The following COL4A3 variants were observed in gnomAD, a reference collection of about 807,000 sequenced individuals.
COL4A3 encodes collagen type IV alpha 3 chain.
In COL4A3, 135 loss-of-function variants were observed where a neutral mutation model predicts 217.4. The observed-to-expected ratio is 0.62, with a 90% confidence interval of 0.54 to 0.72. The LOEUF is 0.72. Among genes scored for constraint, COL4A3 ranks in the 30% least tolerant of loss-of-function variants. The pLI, the probability that COL4A3 is intolerant of heterozygous loss-of-function variation, is 0.00. For missense variants in COL4A3, 1,868 were observed against 2,119.9 expected (o/e 0.88, Z 2.33); for synonymous variants, 690 against 736.3 (o/e 0.94, Z 1.02).
chr2:227,297,673 G>A lies in COL4A3; in HGVS notation c.3566-1G>A. The A allele has an allele frequency of 6.2e-7, 1 of 1,605,646 alleles. No individual in the cohort carries two copies. Among genetic ancestry groups the A allele is most frequent in the African/African-American group, 1.3e-5 (1 of 74,976 alleles). On this transcript the variant is annotated splice_acceptor_variant, in intron 41 of 51. Transcript: ENST00000396578. LOFTEE classifies it high-confidence loss of function. ...AACTTATTAAGCCTTCTTCTTTGCA[G>A]GAGCCAAAGGAGACAGGGGAGCCCC...
intron 1 of COL4A3, among the ~76,000 whole-genome samples, chr2:227,181,284 A>G (rs1275589034): frequency 2.0e-5 from 3 of 152,214 alleles, no homozygotes; most frequent in Admixed American, 2.0e-4. Context: ...AATTCCATTA[A>G]TGCGTAGTTG....
chr2:227,307,661 G>A, intron 47 of COL4A3, 49 bp from the exon 48 acceptor site: 1 of 1,498,568 alleles, frequency 6.7e-7, no homozygotes, highest in Non-Finnish European at 9.3e-7. Flanking sequence ...GAAAAAACGA[G>A]TTTAAGATTT....
intron 1 of COL4A3, among the ~76,000 whole-genome samples, chr2:227,190,364 C>T (rs1476160613): frequency 6.6e-6 from 1 of 152,194 alleles, no homozygotes; most frequent in African/African-American, 2.4e-5. Flanking sequence ...GATCCTGACT[C>T]CCTTTTAAAA....
chr2:227,249,230 A>ATATATATATTTTTTTTTTTT, intron 9 of COL4A3, among the ~76,000 whole-genome samples: 12 of 14,688 alleles, frequency 8.2e-4, no homozygotes, highest in East Asian at 2.7e-3. Context: ...ATATATATAT[A>ATATATATATTTTTTTTTTTT]TTTTTTTTTT....
chr2:227,260,022 G>T lies in COL4A3; in HGVS notation c.1114+145G>T, dbSNP rs200603278. The T allele has an allele frequency of 1.3e-3, 978 of 765,794 alleles. 3 individuals carry two copies. Among genetic ancestry groups the T allele is most frequent in the South Asian group, 2.2e-3 (164 of 73,222 alleles). 47.4% of individuals were successfully genotyped at this position (765,794 alleles called of 1,614,324 possible). A position where few individuals can be genotyped will look rare whatever the true frequency, so the allele number is the denominator to read the frequency against. ...CATTTTCATAAAGGTGTTATTTTTT[G>T]ATGTCTCCTGCTCTTCATATTTTTA... On this transcript the variant is annotated intron_variant, in intron 19 of 51. Coordinates refer to ENST00000396578, the MANE Select transcript of COL4A3 (RefSeq NM_000091.5).
chr2:227,288,459 G>A (rs2106197861), intron 34 of COL4A3, among the ~76,000 whole-genome samples: 1 of 152,256 alleles, frequency 6.6e-6, no homozygotes, highest in Admixed American at 6.5e-5. Context: ...AAAGTGGAAT[G>A]GTTTCCTGGG....
intron 14 of COL4A3, 123 bp downstream of exon 14, chr2:227,254,297 G>C: frequency 1.2e-6 from 1 of 838,602 alleles, no homozygotes; most frequent in East Asian, 2.6e-5. Flanking sequence ...TAAAAGAATG[G>C]CTACTCCACA....
chr2:227,289,913 T>C, intron 35 of COL4A3, 86 bp from the exon 36 acceptor site: 3 of 1,329,704 alleles, frequency 2.3e-6, no homozygotes, highest in East Asian at 4.8e-5. Flanking sequence ...TCTGCATTCA[T>C]TCATGCATGC....
At chr2:227,263,631 G>A in intron 20 of COL4A3, 149 bp from the exon 21 acceptor site, 1 of 785,610 alleles carries the variant, frequency 1.3e-6, no homozygotes, top group Non-Finnish European at 2.0e-6. Flanking sequence ...AAAAAAGCAA[G>A]GATATTCACT....
At chr2:227,309,994 A>C (rs1574843287) in intron 50 of COL4A3, among the ~76,000 whole-genome samples, 1 of 152,304 alleles carries the variant, frequency 6.6e-6, no homozygotes, top group Middle Eastern at 3.4e-3. Flanking sequence ...GAAAACGCTC[A>C]TAGGTAATTT....
intron 1 of COL4A3, among the ~76,000 whole-genome samples, chr2:227,182,275 T>C (rs80090710): frequency 0.11 from 16,495 of 152,318 alleles, 1,156 homozygotes; most frequent in Middle Eastern, 0.21. Context: ...TCTCCACTTC[T>C]GTGCCCCTCC....
At chr2:227,271,809 G>A (rs1233187726) in intron 25 of COL4A3, among the ~76,000 whole-genome samples, 1 of 152,122 alleles carries the variant, frequency 6.6e-6, no homozygotes, top group Non-Finnish European at 1.5e-5. Flanking sequence ...GTGAGAGGGT[G>A]AGCACCTGTC....
rs544616678 is a variant in COL4A3 at position 227,269,734 on chromosome 2, C to T, written c.1505-176C>T. 2.6e-5 allele frequency among the ~76,000 whole-genome samples: 4 copies of T among 152,254 alleles called. No homozygotes were observed. The South Asian group carries it at 8.3e-4, about 32-fold the overall frequency. Reference sequence around the variant, plus strand: ...AAGCTAAGATCTGAGTTACTTTTTACATGATCTCTTGTTCTGTTATTTACT... The same window carrying T: ...AAGCTAAGATCTGAGTTACTTTTTATATGATCTCTTGTTCTGTTATTTACT... On this transcript the variant is annotated intron_variant, in intron 23 of 51. Transcript: ENST00000396578.
chr2:227,263,725 AT>A lies in COL4A3; in HGVS notation c.1151-53del, dbSNP rs2070729730. The A allele has an allele frequency of 2.6e-6, 4 of 1,512,644 alleles. No individual in the cohort carries two copies. In the Admixed American group the frequency reaches 5.8e-5, roughly 22 times the overall value. The allele number at this position is 1,512,644 out of a possible 1,614,324, so 93.7% of individuals were successfully genotyped here. A position where few individuals can be genotyped will look rare whatever the true frequency, so the allele number is the denominator to read the frequency against. On this transcript the variant is annotated intron_variant, in intron 20 of 51. Transcript: ENST00000396578. ...AATCACTCTTGCAATTAAAAAATAA[AT>A]TCGTATTAATCAGGAAAAAATGTAA... is the stretch of plus-strand genomic sequence containing the variant.
chr2:227,217,754 G>C (rs967141708), intron 1 of COL4A3, among the ~76,000 whole-genome samples: 4 of 152,172 alleles, frequency 2.6e-5, no homozygotes, highest in Non-Finnish European at 5.9e-5. Context: ...AATGACAACT[G>C]TTCAAGAAAA....
intron 1 of COL4A3, among the ~76,000 whole-genome samples, chr2:227,218,188 C>T (rs188447951): frequency 6.5e-4 from 98 of 150,892 alleles, no homozygotes; most frequent in African/African-American, 2.2e-3. Context: ...TCGTGTGGGC[C>T]GGGCGCAGTG....
In COL4A3 at chr2:227,166,519, G is replaced by C. The variant is rs565927499; in HGVS notation, c.87+1706G>C. ...GGATCAGCCTGAAAAAGTAATGCTTGGGGACCATGCAAACTCTAGTTATAC... is the reference window on the plus strand; with the variant it reads ...GGATCAGCCTGAAAAAGTAATGCTTCGGGACCATGCAAACTCTAGTTATAC... On this transcript the variant is annotated intron_variant, in intron 1 of 51. Coordinates refer to ENST00000396578, the MANE Select transcript of COL4A3 (RefSeq NM_000091.5). Among the ~76,000 whole-genome samples the C allele has an allele frequency of 2.1e-3, 325 of 152,296 alleles. 1 individual carries two copies. Among genetic ancestry groups the C allele is most frequent in the African/African-American group, 7.4e-3 (308 of 41,564 alleles).
At chr2:227,290,945 T>C (rs2072661530) in intron 37 of COL4A3, 59 bp downstream of exon 37, 1 of 1,558,330 alleles carries the variant, frequency 6.4e-7, no homozygotes, top group Admixed American at 1.8e-5. Flanking sequence ...TTGAAAAATA[T>C]CAACAAGTAC....
rs56065709 is a variant in COL4A3, at chr2:227,302,677, C to CAAAAAAAAAAAAAA, written c.3883-345_3883-332dup. Among the ~76,000 whole-genome samples the CAAAAAAAAAAAAAA allele has an allele frequency of 8.8e-3, 706 of 79,832 alleles. 106 individuals carry two copies. Among genetic ancestry groups the CAAAAAAAAAAAAAA allele is most frequent in the African/African-American group, 0.018 (272 of 15,310 alleles). 52.4% of individuals were successfully genotyped at this position (79,832 alleles called of 152,430 possible). ...GGAGGACAAAACGAGACTCTTTCTC[C>CAAAAAAAAAAAAAA]AAAAAAAAAAAAAAAAAAAAAAAAA... On this transcript the variant is annotated intron_variant, in intron 43 of 51. Transcript: ENST00000396578.
Sources: allele counts gnomAD v4.1 joint callset (sites outside exome capture counted in the v4.1 genomes callset), GRCh38; gene constraint gnomAD v4.1.1; transcripts MANE v1.5; gene names NCBI Gene and HGNC (gene_info 2026-07-23, HGNC 2026-07-21).